Variants in OR8B2 observed in about 807,000 individuals in gnomAD.
The protein encoded by OR8B2 is olfactory receptor family 8 subfamily B member 2.
For synonymous variants in OR8B2, 98 were observed against 138.2 expected (o/e 0.71, Z 2.04); for missense variants, 304 against 379.6 (o/e 0.80, Z 1.65).
chr11:124,382,682 A>G lies in OR8B2; in HGVS notation c.662T>C (p.Ile221Thr). 2 of 1,613,820 alleles carry G rather than the reference A, an allele frequency of 1.2e-6. No homozygotes were observed. The highest frequency in any genetic ancestry group is 1.7e-6 in the Non-Finnish European group (2 of 1,179,828). The change falls in exon 2 of 2, where the codon ATT (isoleucine) becomes ACT (threonine). Residue 221 changes from isoleucine (I) to threonine (T), a missense_variant. Ile to Thr is a moderately conservative substitution (Grantham distance 89). Coordinates refer to ENST00000641451, the MANE Select transcript of OR8B2 (RefSeq NM_001005468.2). Reference sequence around the variant, plus strand: ...TTTGATATGAAGAATGCTAGTGACAATGAAAACATAAGAAATGAGGATGGT... The same window carrying G: ...TTTGATATGAAGAATGCTAGTGACAGTGAAAACATAAGAAATGAGGATGGT... ...SCTILISYVF[I>T]VTSILHIKST...
At chr11:124,391,486 C>A in the OR8B2 span, among the ~76,000 whole-genome samples, 28 of 151,998 alleles carry the variant, frequency 1.8e-4, no homozygotes, top group African/African-American at 6.8e-4. Flanking sequence ...ACTACAAACA[C>A]CTCTACGCAA....
the OR8B2 span, among the ~76,000 whole-genome samples, chr11:124,389,733 A>G: frequency 2.6e-5 from 4 of 152,308 alleles, no homozygotes; most frequent in East Asian, 1.9e-4. Flanking sequence ...AGGGTTTGAC[A>G]TGTGCTAACT....
At chr11:124,388,441 A>C (rs1225658304), upstream of OR8B2, among the ~76,000 whole-genome samples, 1 of 152,150 alleles carries the variant, frequency 6.6e-6, no homozygotes, top group Non-Finnish European at 1.5e-5. Flanking sequence ...TTGGGCAAAG[A>C]ATACAGACAA....
chr11:124,393,401 C>CA, the OR8B2 span, among the ~76,000 whole-genome samples: 77 of 148,540 alleles, frequency 5.2e-4, no homozygotes, highest in South Asian at 1.7e-3. Context: ...ACAATGAACT[C>CA]AAACAAATTT....
chr11:124,394,309 A>C, the OR8B2 span, among the ~76,000 whole-genome samples: 1 of 151,338 alleles, frequency 6.6e-6, no homozygotes, highest in East Asian at 1.9e-4. Context: ...AGCTAATATA[A>C]GTCTGCTTTG....
the OR8B2 span, among the ~76,000 whole-genome samples, chr11:124,392,717 C>T: frequency 1.4e-5 from 2 of 142,248 alleles, no homozygotes; most frequent in Non-Finnish European, 3.1e-5. Context: ...CAATGCCATC[C>T]CCATCAAGCT....
intron 1 of OR8B2, among the ~76,000 whole-genome samples, chr11:124,383,725 A>C (rs1320095385): frequency 6.6e-6 from 1 of 152,122 alleles, no homozygotes; most frequent in Non-Finnish European, 1.5e-5. Flanking sequence ...TAGACACTTC[A>C]ATTTCCCTGT....
chr11:124,394,404 T>C, the OR8B2 span, among the ~76,000 whole-genome samples: 2 of 152,084 alleles, frequency 1.3e-5, no homozygotes, highest in Admixed American at 6.5e-5. Flanking sequence ...AGGATAAAAC[T>C]GAAAGGAGCA....
At chr11:124,385,434 T>G (rs1242479332), upstream of OR8B2, among the ~76,000 whole-genome samples, 2 of 151,940 alleles carry the variant, frequency 1.3e-5, no homozygotes, top group African/African-American at 4.8e-5. Flanking sequence ...ATCAGGAAAC[T>G]GACATAGGTT....
At chr11:124,383,698 T>C (rs1183909845) in intron 1 of OR8B2, among the ~76,000 whole-genome samples, 1 of 152,232 alleles carries the variant, frequency 6.6e-6, no homozygotes, top group Non-Finnish European at 1.5e-5. Context: ...TTTCTACTTA[T>C]GTTTCCATTA....
upstream of OR8B2, among the ~76,000 whole-genome samples, chr11:124,384,823 C>A (rs574060276): frequency 6.6e-6 from 1 of 152,142 alleles, no homozygotes; most frequent in East Asian, 1.9e-4. Flanking sequence ...ATTATACAAT[C>A]CACAGGGCAT....
chr11:124,394,903 G>T, the OR8B2 span, among the ~76,000 whole-genome samples: 1 of 152,078 alleles, frequency 6.6e-6, no homozygotes, highest in East Asian at 1.9e-4. Flanking sequence ...TTGGTGTTAA[G>T]CAAGATACTC....
At chr11:124,396,432 A>T in the OR8B2 span, 1 of 1,601,890 alleles carries the variant, frequency 6.2e-7, no homozygotes, top group African/African-American at 1.4e-5. Flanking sequence ...TCTTCTCTGA[A>T]TTTTAATCAG....
chr11:124,392,845 G>A, the OR8B2 span, among the ~76,000 whole-genome samples: 31 of 150,492 alleles, frequency 2.1e-4, no homozygotes, highest in East Asian at 5.2e-3. Context: ...GAGGCATCAC[G>A]CTACCTGACT....
rs773086403 is a variant in OR8B2, at chr11:124,383,147, A to C, written c.197T>G (p.Leu66Arg). The change falls in exon 2 of 2, where the codon CTC becomes CGC. Residue 66 changes from leucine to arginine, a missense_variant. Transcript: ENST00000641451. ...HTPMYYFLFNLSFIDLCYSSV... is the reference protein window; with the variant it reads ...HTPMYYFLFNRSFIDLCYSSV... ...GGAGTAACAGAGATCAATGAAGGAG[A>C]GATTGAAGAGGAAATAGTACATTGG... 6.2e-7 allele frequency: 1 copy of C among 1,613,924 alleles called. No individual in the cohort carries two copies. Among genetic ancestry groups the C allele is most frequent in the Non-Finnish European group, 8.5e-7 (1 of 1,179,836 alleles).
upstream of OR8B2, among the ~76,000 whole-genome samples, chr11:124,389,307 G>A (rs564200168): frequency 6.6e-6 from 1 of 152,228 alleles, no homozygotes; most frequent in African/African-American, 2.4e-5. Flanking sequence ...TTTATTTAAT[G>A]ACTACACTAT....
At chr11:124,393,748 A>T in the OR8B2 span, among the ~76,000 whole-genome samples, 49 of 151,436 alleles carry the variant, frequency 3.2e-4, no homozygotes, top group East Asian at 1.4e-3. Context: ...AGCCATCCCA[A>T]TACTGGGTAT....
At chr11:124,394,856 A>T in the OR8B2 span, among the ~76,000 whole-genome samples, 1 of 152,176 alleles carries the variant, frequency 6.6e-6, no homozygotes, top group Non-Finnish European at 1.5e-5. Flanking sequence ...TTATTTTTAT[A>T]TGTTATTAAT....
At chr11:124,393,089 C>G in the OR8B2 span, among the ~76,000 whole-genome samples, 1 of 144,442 alleles carries the variant, frequency 6.9e-6, no homozygotes, top group Non-Finnish European at 1.5e-5. Context: ...GGATCCCTTC[C>G]TTATACCTTA....
Sources: allele counts gnomAD v4.1 joint callset (sites outside exome capture counted in the v4.1 genomes callset), GRCh38; gene constraint gnomAD v4.1.1; transcripts MANE v1.5; gene names NCBI Gene and HGNC (gene_info 2026-07-23, HGNC 2026-07-21).